The following ASB5 variants were observed in gnomAD, a reference collection of about 807,000 sequenced individuals.
The protein encoded by ASB5 is ankyrin repeat and SOCS box containing 5, also known as ankyrin repeat and SOCS box protein 5.
In ASB5, 45 loss-of-function variants were observed where a neutral mutation model predicts 42.1. The observed-to-expected ratio is 1.07, with a 90% confidence interval of 0.84 to 1.37. The LOEUF is 1.37. Ranked by LOEUF, ASB5 falls within the 40% of genes most tolerant of loss-of-function variation. ASB5 has a pLI of 0.00. For synonymous variants in ASB5, 147 were observed against 150.6 expected (o/e 0.98, Z 0.18); for missense variants, 402 against 399.8 (o/e 1.01, Z -0.05).
intron 2 of ASB5, among the ~76,000 whole-genome samples, chr4:176,223,351 T>A (rs1032574032): frequency 6.6e-6 from 1 of 152,236 alleles, no homozygotes; most frequent in Admixed American, 6.5e-5. Flanking sequence ...AAAGCAATTA[T>A]CATTATAATG....
intron 1 of ASB5, among the ~76,000 whole-genome samples, chr4:176,262,826 G>T (rs1158826998): frequency 6.6e-6 from 1 of 152,156 alleles, no homozygotes; most frequent in Non-Finnish European, 1.5e-5. Context: ...AGGAAGAGAT[G>T]AACAAAAGAT....
rs1752912326 is a variant in ASB5 at position 176,214,414 on chromosome 4, A to C, written c.*1186T>G. ...CCCTGAATTACAAAACAGGCATAAAATTTTATTAAGTTTTTTATTGCACTC... is the reference window on the plus strand; with the variant it reads ...CCCTGAATTACAAAACAGGCATAAACTTTTATTAAGTTTTTTATTGCACTC... On this transcript the variant is annotated 3_prime_UTR_variant, in exon 7 of 7. Coordinates refer to ENST00000296525, the MANE Select transcript of ASB5 (RefSeq NM_080874.4). The C allele has an allele frequency of 6.6e-6, 1 of 152,124 alleles. No individual in the cohort carries two copies. Among genetic ancestry groups the C allele is most frequent in the African/African-American group, 2.4e-5 (1 of 41,440 alleles). The allele number at this position is 152,124 out of a possible 1,614,324, so 9.4% of individuals were successfully genotyped here.
At chr4:176,238,664 C>A (rs1293503360) in intron 1 of ASB5, among the ~76,000 whole-genome samples, 1 of 151,806 alleles carries the variant, frequency 6.6e-6, no homozygotes, top group African/African-American at 2.4e-5. Context: ...TTTTTTTCAT[C>A]AGTATTTTTA....
chr4:176,236,041 G>A (rs75238635), intron 1 of ASB5, among the ~76,000 whole-genome samples: 12,741 of 151,784 alleles, frequency 0.084, 563 homozygotes, highest in Middle Eastern at 0.12. Context: ...TTTAAGGCAT[G>A]TCGAAAAAAA....
At chr4:176,235,824 G>A (rs1753671126) in intron 1 of ASB5, among the ~76,000 whole-genome samples, 1 of 151,450 alleles carries the variant, frequency 6.6e-6, no homozygotes, top group Non-Finnish European at 1.5e-5. Context: ...CATAGCATGG[G>A]GGCATTTTTT....
intron 1 of ASB5, among the ~76,000 whole-genome samples, chr4:176,230,614 A>T (rs2126954299): frequency 6.6e-6 from 1 of 152,354 alleles, no homozygotes; most frequent in Admixed American, 6.5e-5. Flanking sequence ...AATGTATATC[A>T]CATTCCAATT....
At chr4:176,246,168 T>C (rs1753908785) in intron 1 of ASB5, among the ~76,000 whole-genome samples, 1 of 152,086 alleles carries the variant, frequency 6.6e-6, no homozygotes, top group Non-Finnish European at 1.5e-5. Flanking sequence ...ATATCAGAAT[T>C]GGAAGAAGTG....
intron 1 of ASB5, among the ~76,000 whole-genome samples, chr4:176,240,827 T>C (rs924828923): frequency 1.3e-5 from 2 of 152,164 alleles, no homozygotes; most frequent in African/African-American, 4.8e-5. Context: ...TTTTTGAGGG[T>C]ATATTCCTGA....
chr4:176,273,138 A>G (rs371619295), upstream of ASB5, among the ~76,000 whole-genome samples: 128 of 152,198 alleles, frequency 8.4e-4, no homozygotes, highest in African/African-American at 3.0e-3. Context: ...TCTGGTAGAC[A>G]TCTAAAGGCT....
At chr4:176,255,061 T>C (rs1364006297) in intron 1 of ASB5, among the ~76,000 whole-genome samples, 1 of 152,068 alleles carries the variant, frequency 6.6e-6, no homozygotes, top group African/African-American at 2.4e-5. Context: ...ACCCGGAAGG[T>C]GGAGGTTGCA....
intron 1 of ASB5, among the ~76,000 whole-genome samples, chr4:176,244,032 C>A (rs1753861698): frequency 6.6e-6 from 1 of 152,040 alleles, no homozygotes; most frequent in South Asian, 2.1e-4. Flanking sequence ...TATTTAATCA[C>A]CGATGTATTT....
intron 1 of ASB5, among the ~76,000 whole-genome samples, chr4:176,238,754 GA>G (rs545426618): frequency 0.012 from 1,804 of 151,438 alleles, 35 homozygotes; most frequent in African/African-American, 0.037. Context: ...CCAAGTAAGA[GA>G]AAAAAAAATT....
intron 1 of ASB5, among the ~76,000 whole-genome samples, chr4:176,233,181 T>A (rs1374525431): frequency 6.6e-6 from 1 of 152,220 alleles, no homozygotes; most frequent in East Asian, 1.9e-4. Flanking sequence ...ATCTTCCCCA[T>A]CAGCTTTTAA....
chr4:176,243,277 CTAT>C (rs1753847259), intron 1 of ASB5, among the ~76,000 whole-genome samples: 1 of 38,538 alleles, frequency 2.6e-5, no homozygotes, highest in South Asian at 6.5e-4. Context: ...TCAATTAGGT[CTAT>C]CTTTTTAAAT....
At chr4:176,232,125 ATACT>A (rs200756405) in intron 1 of ASB5, among the ~76,000 whole-genome samples, 7 of 141,934 alleles carry the variant, frequency 4.9e-5, no homozygotes, top group South Asian at 2.2e-4. Context: ...ATATATATAT[ATACT>A]TTTTTTTTTT....
intron 1 of ASB5, among the ~76,000 whole-genome samples, chr4:176,237,964 G>A (rs1753726332): frequency 6.6e-6 from 1 of 152,188 alleles, no homozygotes; most frequent in Non-Finnish European, 1.5e-5. Flanking sequence ...GCTCACGCCT[G>A]TAATCCCAGC....
chr4:176,217,493 A>G (rs1318052564), intron 5 of ASB5, among the ~76,000 whole-genome samples: 1 of 152,048 alleles, frequency 6.6e-6, no homozygotes, highest in Non-Finnish European at 1.5e-5. Context: ...AAACTCATGA[A>G]TATGTGAGCT....
chr4:176,225,880 G>A (rs928767801), intron 1 of ASB5, among the ~76,000 whole-genome samples: 2 of 152,194 alleles, frequency 1.3e-5, no homozygotes, highest in African/African-American at 4.8e-5. Context: ...GTGAGCCACT[G>A]CCCCCGGCTT....
Position 176,219,575 on chromosome 4 carries a change from G to GATATAT in ASB5, c.670+1574_670+1579dup, listed in dbSNP as rs71597433. Among the ~76,000 whole-genome samples the GATATAT allele has an allele frequency of 5.0e-4, 3 of 6,004 alleles. 1 individual carries two copies. The highest frequency in any genetic ancestry group is 9.5e-4 in the Non-Finnish European group (3 of 3,154). The allele number at this position is 6,004 out of a possible 152,430, so 3.9% of individuals were successfully genotyped here. A position where few individuals can be genotyped will look rare whatever the true frequency, so the allele number is the denominator to read the frequency against. On this transcript the variant is annotated intron_variant, in intron 5 of 6. Transcript: ENST00000296525. ...TATATAAATATGTATATATTTGTATGATATATATATATATATATATATATA... is the reference window on the plus strand; with the variant it reads ...TATATAAATATGTATATATTTGTATGATATATATATATATATATATATATATATATA...
Sources: gnomAD v4.1 joint callset for allele counts (sites outside exome capture counted in the v4.1 genomes callset) on GRCh38, gnomAD v4.1.1 for gene constraint, MANE v1.5 for transcripts, NCBI Gene and HGNC (gene_info 2026-07-23, HGNC 2026-07-21) for gene names.